CSMD2: variants seen among roughly 807,000 people sequenced by gnomAD.
The protein encoded by CSMD2 is CUB and Sushi multiple domains 2, also known as CUB and sushi domain-containing protein 2.
CSMD2 carries 130 observed loss-of-function variants against 398.5 expected under a neutral mutation model. That is an observed-to-expected ratio of 0.33 (90% confidence interval 0.28 to 0.38). The LOEUF is 0.38. Ranked by LOEUF, CSMD2 falls within the 10% of genes least tolerant of loss-of-function variation. The pLI, the probability that CSMD2 is intolerant of heterozygous loss-of-function variation, is 1.00. For synonymous variants in CSMD2, 1,828 were observed against 1,908.5 expected (o/e 0.96, Z 1.10); for missense variants, 3,829 against 4,764.9 (o/e 0.80, Z 5.78).
At chr1:34,152,567 C>T (rs1242114816) in intron 1 of CSMD2, among the ~76,000 whole-genome samples, 1 of 152,180 alleles carries the variant, frequency 6.6e-6, no homozygotes, top group Non-Finnish European at 1.5e-5. Context: ...TGCAGATGAA[C>T]CTGCACTGTC....
intron 1 of CSMD2, among the ~76,000 whole-genome samples, chr1:34,116,802 C>G (rs1156826645): frequency 1.3e-5 from 2 of 152,068 alleles, no homozygotes; most frequent in East Asian, 1.9e-4. Flanking sequence ...CATTTTCCAA[C>G]TATAAAGGAA....
intron 15 of CSMD2, among the ~76,000 whole-genome samples, chr1:33,728,379 G>T (rs1344326647): frequency 6.6e-6 from 1 of 151,672 alleles, no homozygotes; most frequent in Non-Finnish European, 1.5e-5. Flanking sequence ...TAAAATAGTT[G>T]TCAAGTATTC....
chr1:34,021,388 A>T (rs1270211990), intron 3 of CSMD2, among the ~76,000 whole-genome samples: 1 of 152,214 alleles, frequency 6.6e-6, no homozygotes. Flanking sequence ...GGTCCCTACC[A>T]GAGCAGCAGT....
intron 2 of CSMD2, among the ~76,000 whole-genome samples, chr1:34,060,927 A>G (rs1654419825): frequency 6.6e-6 from 1 of 151,852 alleles, no homozygotes; most frequent in South Asian, 2.1e-4. Context: ...CAAAGGCCCC[A>G]CCCACCTGTA....
chr1:33,559,219 C>T lies in CSMD2; in HGVS notation c.8554+81G>A. Reference sequence around the variant, plus strand: ...GATCAGAATGATGCCAGAATGAATTCACTGGCTTCTTTTTCTGAGCTACAG... The same window carrying T: ...GATCAGAATGATGCCAGAATGAATTTACTGGCTTCTTTTTCTGAGCTACAG... On this transcript the variant is annotated intron_variant, in intron 54 of 70. Coordinates refer to ENST00000373381, the MANE Select transcript of CSMD2 (RefSeq NM_001281956.2). This position sits in a 1 kb window ranked among gnomAD's most constrained non-coding sequence, Gnocchi z 4.0. The T allele has an allele frequency of 7.7e-7, 1 of 1,296,722 alleles. No individual in the cohort carries two copies. The highest frequency in any genetic ancestry group is 1.1e-6 in the Non-Finnish European group (1 of 948,684). The allele number at this position is 1,296,722 out of a possible 1,614,324, so 80.3% of individuals were successfully genotyped here.
At chr1:33,936,029 G>C in intron 3 of CSMD2, 75 bp from the exon 4 acceptor site, 1 of 1,341,556 alleles carries the variant, frequency 7.5e-7, no homozygotes. Flanking sequence ...CTTCCTAGTA[G>C]CAACTCCCTA....
intron 1 of CSMD2, among the ~76,000 whole-genome samples, chr1:34,133,543 A>C (rs2148504542): frequency 6.6e-6 from 1 of 152,154 alleles, no homozygotes; most frequent in South Asian, 2.1e-4. Flanking sequence ...AGGCAGGAGA[A>C]TCATTTGAAC....
At chr1:34,113,728 T>C (rs576498978) in intron 1 of CSMD2, among the ~76,000 whole-genome samples, 2 of 152,174 alleles carry the variant, frequency 1.3e-5, no homozygotes, top group East Asian at 3.9e-4. Context: ...AAAAAGCCTT[T>C]ATGAGAACTC....
chr1:33,653,461 C>T (rs965469117), intron 27 of CSMD2, among the ~76,000 whole-genome samples: 2 of 152,210 alleles, frequency 1.3e-5, no homozygotes, highest in African/African-American at 2.4e-5. Context: ...GCTGCAGATA[C>T]TTTCCAACTT....
intron 1 of CSMD2, among the ~76,000 whole-genome samples, chr1:34,150,079 C>CTTTTT (rs772520303): frequency 1.1e-4 from 15 of 138,128 alleles, no homozygotes; most frequent in African/African-American, 3.8e-4. Context: ...TTTCTTCTTT[C>CTTTTT]TTTTTTTTTT....
intron 28 of CSMD2, among the ~76,000 whole-genome samples, chr1:33,648,361 C>CAA (rs61207590): frequency 6.3e-4 from 45 of 71,784 alleles, no homozygotes; most frequent in African/African-American, 1.5e-3. Context: ...GACTCTGTCT[C>CAA]AAAAAAAAAA....
chr1:33,817,732 G>A (rs4415527), intron 9 of CSMD2, among the ~76,000 whole-genome samples: 104,367 of 152,214 alleles, frequency 0.69, 37,055 homozygotes, highest in African/African-American at 0.89. Flanking sequence ...GTAACCCCAC[G>A]AAGTAATGTT....
intron 13 of CSMD2, among the ~76,000 whole-genome samples, chr1:33,766,936 A>G (rs1340914545): frequency 6.6e-6 from 1 of 152,234 alleles, no homozygotes; most frequent in East Asian, 1.9e-4. Context: ...TTTTGGGGAA[A>G]CCATGCAACA....
intron 5 of CSMD2, among the ~76,000 whole-genome samples, chr1:33,857,211 G>A (rs1171024690): frequency 6.6e-6 from 1 of 152,044 alleles, no homozygotes; most frequent in Non-Finnish European, 1.5e-5. Context: ...GTGGTTAAAA[G>A]GTTTAAGTGA....
intron 12 of CSMD2, among the ~76,000 whole-genome samples, chr1:33,786,023 G>T (rs1653497690): frequency 6.6e-6 from 1 of 152,162 alleles, no homozygotes; most frequent in Admixed American, 6.5e-5. Flanking sequence ...CAATTCTCTG[G>T]TGCCTGCTCA....
chr1:34,156,882 AG>A (rs1640858624), intron 1 of CSMD2, among the ~76,000 whole-genome samples: 1 of 152,206 alleles, frequency 6.6e-6, no homozygotes, highest in African/African-American at 2.4e-5. Context: ...AAACACAAAC[AG>A]GTGGAAAGTA....
chr1:34,125,686 A>G (rs144347655), intron 1 of CSMD2, among the ~76,000 whole-genome samples: 69 of 152,318 alleles, frequency 4.5e-4, no homozygotes, highest in African/African-American at 1.6e-3. Context: ...ATTTAATAAG[A>G]ATGTCACATC....
At chr1:33,660,735 C>G (rs1644103051) in intron 26 of CSMD2, among the ~76,000 whole-genome samples, 1 of 152,192 alleles carries the variant, frequency 6.6e-6, no homozygotes, top group South Asian at 2.1e-4. Flanking sequence ...CCAAGGAAAC[C>G]CTTCTGTTAG....
Position 34,165,173 on chromosome 1 carries a change from T to C in CSMD2, c.-76A>G. The C allele has an allele frequency of 8.4e-7, 1 of 1,190,068 alleles. No individual in the cohort carries two copies. The highest frequency in any genetic ancestry group is 1.0e-6 in the Non-Finnish European group (1 of 961,260). The allele number at this position is 1,190,068 out of a possible 1,614,324, so 73.7% of individuals were successfully genotyped here. Reference sequence around the variant, plus strand: ...AGGAGGTCAGGAGAGCTCTGGAGCTTTTTTCTGCTCGGAAAAAATCCCGGT... The same window carrying C: ...AGGAGGTCAGGAGAGCTCTGGAGCTCTTTTCTGCTCGGAAAAAATCCCGGT... On this transcript the variant is annotated 5_prime_UTR_variant, in exon 1 of 71. Transcript: ENST00000373381.
Sources: gnomAD v4.1 joint callset for allele counts (sites outside exome capture counted in the v4.1 genomes callset) on GRCh38, gnomAD v4.1.1 for gene constraint, Gnocchi (gnomAD v3.1) non-coding constraint, MANE v1.5 for transcripts, NCBI Gene and HGNC (gene_info 2026-07-23, HGNC 2026-07-21) for gene names.